The following KDM2A variants were observed in gnomAD, a reference collection of about 807,000 sequenced individuals.
KDM2A encodes lysine demethylase 2A, also known as lysine-specific demethylase 2A.
A neutral mutation model predicts 137.3 loss-of-function variants in KDM2A; 3 were observed. That is an observed-to-expected ratio of 0.02 (90% CI 0.01 to 0.06). The LOEUF (loss-of-function observed/expected upper bound fraction) is 0.06. Among genes scored for constraint, KDM2A ranks in the 10% least tolerant of loss-of-function variants. The probability of loss-of-function intolerance (pLI) is 1.00; values close to 1 mark genes in which losing one functional copy is unlikely to be tolerated. For missense variants in KDM2A, 738 were observed against 1,510.6 expected, an observed-to-expected ratio of 0.49 and a Z score of 8.48; for synonymous variants, 512 against 541.5, an observed-to-expected ratio of 0.95 and a Z score of 0.76.
At chr11:67,169,905 G>A (rs940124175) in intron 2 of KDM2A, among the ~76,000 whole-genome samples, 1 of 151,054 alleles carries the variant, frequency 6.6e-6, no homozygotes, top group African/African-American at 2.4e-5. Flanking sequence ...TTACAGGCAC[G>A]TGCCACCATG....
intron 2 of KDM2A, among the ~76,000 whole-genome samples, chr11:67,125,025 T>A (rs1420758095): frequency 6.6e-6 from 1 of 150,620 alleles, no homozygotes; most frequent in Non-Finnish European, 1.5e-5. Context: ...ACCCGGCTAA[T>A]TTTTTTTTGT....
At chr11:67,226,762 A>G (rs1451038573) in intron 10 of KDM2A, among the ~76,000 whole-genome samples, 2 of 152,128 alleles carry the variant, frequency 1.3e-5, no homozygotes, top group Non-Finnish European at 2.9e-5. Context: ...TTCAGCATCA[A>G]AGAGCATGTT....
chr11:67,199,626 G>C (rs775471379), intron 5 of KDM2A, among the ~76,000 whole-genome samples: 5 of 152,198 alleles, frequency 3.3e-5, no homozygotes, highest in Non-Finnish European at 4.4e-5. Context: ...AGAGAGGTGA[G>C]GGAGCTGCAG....
At chr11:67,156,435 T>C (rs931525538) in intron 2 of KDM2A, among the ~76,000 whole-genome samples, 4 of 151,002 alleles carry the variant, frequency 2.6e-5, no homozygotes, top group Admixed American at 6.6e-5. Flanking sequence ...ATACAAAAAT[T>C]AGGCCAGGCG....
chr11:67,201,920 A>T (rs991067529), intron 5 of KDM2A, among the ~76,000 whole-genome samples: 1 of 151,694 alleles, frequency 6.6e-6, no homozygotes, highest in Non-Finnish European at 1.5e-5. Flanking sequence ...TTGCCACTCT[A>T]TTCCAGCCTG....
intron 2 of KDM2A, among the ~76,000 whole-genome samples, chr11:67,155,596 A>G (rs1856494553): frequency 6.7e-6 from 1 of 149,852 alleles, no homozygotes; most frequent in South Asian, 2.1e-4. Flanking sequence ...GAGCCACTGC[A>G]CTGGCTTGGT....
intron 2 of KDM2A, among the ~76,000 whole-genome samples, chr11:67,129,639 C>T (rs1366383844): frequency 2.0e-5 from 3 of 150,122 alleles, no homozygotes; most frequent in Non-Finnish European, 1.5e-5. Flanking sequence ...GAGGCTGAGG[C>T]AGGAGAATGG....
intron 10 of KDM2A, among the ~76,000 whole-genome samples, chr11:67,221,466 G>T (rs1280271834): frequency 6.6e-6 from 1 of 152,054 alleles, no homozygotes; most frequent in Non-Finnish European, 1.5e-5. Context: ...TATAGGAATG[G>T]TCACTGACCT....
intron 2 of KDM2A, among the ~76,000 whole-genome samples, chr11:67,177,939 TCTA>T (rs1857005565): frequency 1.3e-5 from 2 of 152,180 alleles, no homozygotes; most frequent in Non-Finnish European, 2.9e-5. Flanking sequence ...ATTTTTTAGT[TCTA>T]CTGTAATCTC....
chr11:67,169,016 T>G (rs1856816047), intron 2 of KDM2A, among the ~76,000 whole-genome samples: 2 of 144,852 alleles, frequency 1.4e-5, no homozygotes, highest in Non-Finnish European at 3.0e-5. Flanking sequence ...AGTGTAGTGG[T>G]GTGATCTCAG....
chr11:67,214,482 G>A (rs1858099695), intron 6 of KDM2A, among the ~76,000 whole-genome samples: 1 of 152,138 alleles, frequency 6.6e-6, no homozygotes, highest in African/African-American at 2.4e-5. Flanking sequence ...GGGATTACAG[G>A]CGTGAGCCAC....
intron 2 of KDM2A, among the ~76,000 whole-genome samples, chr11:67,135,688 T>G (rs547121575): frequency 6.6e-6 from 1 of 152,376 alleles, no homozygotes; most frequent in South Asian, 2.1e-4. Flanking sequence ...AAAGTACTTC[T>G]TTGTCTCTTG....
chr11:67,246,223 C>A, intron 15 of KDM2A, 107 bp downstream of exon 15: 1 of 1,232,024 alleles, frequency 8.1e-7, no homozygotes, highest in Non-Finnish European at 1.2e-6. Flanking sequence ...TGTAGGCCAT[C>A]AGCTCTGTGG....
chr11:67,142,820 A>G (rs919095516), intron 2 of KDM2A, among the ~76,000 whole-genome samples: 1 of 152,036 alleles, frequency 6.6e-6, no homozygotes, highest in Non-Finnish European at 1.5e-5. Flanking sequence ...AAACATTTAA[A>G]AAACTTACTA....
intron 2 of KDM2A, among the ~76,000 whole-genome samples, chr11:67,125,630 G>A (rs1169915777): frequency 6.6e-6 from 1 of 151,634 alleles, no homozygotes; most frequent in African/African-American, 2.4e-5. Context: ...AAATTAGCTG[G>A]GCACTGGGGG....
chr11:67,248,448 G>A (rs1859314531), intron 16 of KDM2A, 78 bp downstream of exon 16: 1 of 944,056 alleles, frequency 1.1e-6, no homozygotes, highest in Non-Finnish European at 1.7e-6. Context: ...GTTTGCCTTT[G>A]CATTAGTGTT....
At chr11:67,212,880 T>C (rs1858035642) in intron 6 of KDM2A, among the ~76,000 whole-genome samples, 1 of 152,206 alleles carries the variant, frequency 6.6e-6, no homozygotes, top group Non-Finnish European at 1.5e-5. Flanking sequence ...TTCATTATTC[T>C]GTTAAAGGCA....
intron 10 of KDM2A, 110 bp from the exon 11 acceptor site, chr11:67,227,927 G>A: frequency 8.7e-7 from 1 of 1,145,722 alleles, no homozygotes; most frequent in South Asian, 1.5e-5. Flanking sequence ...AGCTGGGTTT[G>A]CAGGTTGACT....
intron 17 of KDM2A, among the ~76,000 whole-genome samples, chr11:67,251,778 T>C (rs1408793364): frequency 1.3e-5 from 2 of 152,164 alleles, no homozygotes; most frequent in Non-Finnish European, 2.9e-5. Context: ...ACTGGTAAAA[T>C]TGTTTCAGTC....
Sources: allele counts gnomAD v4.1 joint callset (sites outside exome capture counted in the v4.1 genomes callset), GRCh38; gene constraint gnomAD v4.1.1; transcripts MANE v1.5; gene names NCBI Gene and HGNC (gene_info 2026-07-23, HGNC 2026-07-21).